The following MFN1 variants were observed in gnomAD, a reference collection of about 807,000 sequenced individuals.
The protein encoded by MFN1 is mitofusin 1, also known as mitofusin-1.
A neutral mutation model predicts 92.4 loss-of-function variants in MFN1; 65 were observed. The observed-to-expected ratio is 0.70, with a 90% CI of 0.58 to 0.86. The LOEUF (loss-of-function observed/expected upper bound fraction) is 0.86. Ranked by LOEUF, MFN1 falls within the 40% of genes least tolerant of loss-of-function variation. MFN1 has a pLI of 0.00. For synonymous variants in MFN1, 297 were observed against 300.9 expected (o/e 0.99, Z 0.13); for missense variants, 781 against 868.0 (o/e 0.90, Z 1.26).
chr3:179,391,896 G>A, intron 17 of MFN1, 85 bp from the exon 18 acceptor site: 1 of 817,376 alleles, frequency 1.2e-6, no homozygotes, highest in East Asian at 2.6e-5. Flanking sequence ...TATTATTAAA[G>A]TTTTTGTCTT....
intron 12 of MFN1, among the ~76,000 whole-genome samples, chr3:179,377,975 G>A (rs191849653): frequency 1.3e-5 from 2 of 151,638 alleles, no homozygotes; most frequent in South Asian, 4.1e-4. Context: ...CGGGAGAATC[G>A]CTTGAAACCG....
At chr3:179,380,735 G>A (rs186473155) in intron 14 of MFN1, among the ~76,000 whole-genome samples, 2 of 152,316 alleles carry the variant, frequency 1.3e-5, no homozygotes, top group Admixed American at 1.3e-4. Flanking sequence ...ACTGAGGCCT[G>A]GGTGTGGAAG....
At chr3:179,374,977 A>G (rs1055006223) in intron 9 of MFN1, among the ~76,000 whole-genome samples, 2 of 152,176 alleles carry the variant, frequency 1.3e-5, no homozygotes, top group Non-Finnish European at 2.9e-5. Flanking sequence ...TTAGAGTCAA[A>G]CCATTGCACA....
At chr3:179,376,465 TA>T (rs780210250) in intron 10 of MFN1, among the ~76,000 whole-genome samples, 13 of 152,198 alleles carry the variant, frequency 8.5e-5, no homozygotes, top group Non-Finnish European at 1.5e-4. Context: ...ACTTCTTAAG[TA>T]AAAGATCTTC....
In MFN1 at chr3:179,362,579, T is replaced by G. The variant is rs1712626416; in HGVS notation, c.536+97T>G. 4.3e-5 allele frequency: 49 copies of G among 1,150,594 alleles called. 1 individual carries two copies. Among genetic ancestry groups the G allele is most frequent in the Middle Eastern group, 2.3e-4 (1 of 4,292 alleles). 71.3% of individuals were successfully genotyped at this position (1,150,594 alleles called of 1,614,324 possible). ...TGGTATAAAAAATTACAACATTCAGTTGCCATTTTGTTCTCATTAGCTAGA... is the reference window on the plus strand; with the variant it reads ...TGGTATAAAAAATTACAACATTCAGGTGCCATTTTGTTCTCATTAGCTAGA... On this transcript the variant is annotated intron_variant, in intron 5 of 17. Transcript: ENST00000471841.
intron 9 of MFN1, among the ~76,000 whole-genome samples, chr3:179,374,832 A>T (rs1259284615): frequency 6.6e-6 from 1 of 152,230 alleles, no homozygotes; most frequent in African/African-American, 2.4e-5. Flanking sequence ...TTACTAGGTT[A>T]TATCTTTTGC....
Position 179,385,735 on chromosome 3 carries a change from C to A in MFN1, c.1815+14C>A, listed in dbSNP as rs2108557524. 1 of 1,610,418 alleles carries A rather than the reference C, an allele frequency of 6.2e-7. No homozygotes were observed. On this transcript the variant is annotated intron_variant, in intron 15 of 17. Transcript: ENST00000471841. ...GTTGGAGGAGTGGTAAGAAACATTACTTTTAGTATAATTAAAATCGAAATG... is the reference window on the plus strand; with the variant it reads ...GTTGGAGGAGTGGTAAGAAACATTAATTTTAGTATAATTAAAATCGAAATG...
chr3:179,371,904 G>A (rs543869156), intron 9 of MFN1, among the ~76,000 whole-genome samples: 1 of 151,668 alleles, frequency 6.6e-6, no homozygotes, highest in African/African-American at 2.4e-5. Flanking sequence ...TAGGTAACAA[G>A]CTTGTGATGT....
chr3:179,354,721 A>C (rs1460755423), intron 3 of MFN1, among the ~76,000 whole-genome samples: 1 of 152,182 alleles, frequency 6.6e-6, no homozygotes, highest in East Asian at 1.9e-4. Context: ...TGCCAAACAA[A>C]GGGTGGATTA....
At position 179,394,706 on chromosome 3, in the gene MFN1, C is replaced by T. The variant is rs556918291; in HGVS notation, c.*2647C>T. On this transcript the variant is annotated 3_prime_UTR_variant, in exon 18 of 18. Transcript: ENST00000471841. Reference sequence around the variant, plus strand: ...CTGGGATTACAGGCGTGAGCCACCGCGCCCGGCCGAAAGCCAACTCTTATG... The same window carrying T: ...CTGGGATTACAGGCGTGAGCCACCGTGCCCGGCCGAAAGCCAACTCTTATG... 23 of 152,218 alleles carry T rather than the reference C, an allele frequency of 1.5e-4. No individual in the cohort carries two copies. The highest frequency in any genetic ancestry group is 2.4e-4 in the Non-Finnish European group (16 of 68,078). 9.4% of individuals were successfully genotyped at this position (152,218 alleles called of 1,614,324 possible).
chr3:179,389,672 A>G (rs926041326), intron 16 of MFN1, among the ~76,000 whole-genome samples: 1 of 152,150 alleles, frequency 6.6e-6, no homozygotes, highest in African/African-American at 2.4e-5. Flanking sequence ...AAGTGCATGG[A>G]ATTTTTTTTC....
At chr3:179,358,028 CGG>C (rs1712410446) in intron 3 of MFN1, among the ~76,000 whole-genome samples, 1 of 151,890 alleles carries the variant, frequency 6.6e-6, no homozygotes. Context: ...ACAGCAGACT[CGG>C]GGTAAGTGGA....
chr3:179,374,348 C>G (rs1713143586), intron 9 of MFN1, among the ~76,000 whole-genome samples: 3 of 138,078 alleles, frequency 2.2e-5, no homozygotes, highest in Admixed American at 1.5e-4. Flanking sequence ...ATATATATAA[C>G]ATATATAACA....
chr3:179,384,724 A>G (rs890548530), intron 14 of MFN1, among the ~76,000 whole-genome samples: 1 of 152,036 alleles, frequency 6.6e-6, no homozygotes, highest in Non-Finnish European at 1.5e-5. Context: ...TTGTAGACAC[A>G]AGGTCTCACT....
chr3:179,355,821 G>A (rs1712326484), intron 3 of MFN1, among the ~76,000 whole-genome samples: 1 of 152,018 alleles, frequency 6.6e-6, no homozygotes, highest in African/African-American at 2.4e-5. Context: ...GTGTGGTGGT[G>A]CACTCCTGTA....
chr3:179,391,580 C>T (rs1464083517), intron 17 of MFN1, among the ~76,000 whole-genome samples: 2 of 152,148 alleles, frequency 1.3e-5, no homozygotes, highest in Non-Finnish European at 2.9e-5. Context: ...AGAGCCCACT[C>T]AATGAATATG....
chr3:179,348,797 T>G, intron 1 of MFN1, 48 bp from the exon 2 acceptor site: 1 of 1,586,894 alleles, frequency 6.3e-7, no homozygotes, highest in Non-Finnish European at 8.6e-7. Flanking sequence ...AGTTTGCATG[T>G]CTATCATCCA....
In MFN1 at chr3:179,371,055, AAAG is replaced by A. The variant is rs767574981; in HGVS notation, c.975+2955_975+2957del. On this transcript the variant is annotated intron_variant, in intron 9 of 17. Coordinates refer to ENST00000471841, the MANE Select transcript of MFN1 (RefSeq NM_033540.3). ...TGTAGTCGTGCAAGATTTTTTGTGA[AAAG>A]AAAAACTGTATCAAGTTCATCACCT... 3.3e-5 allele frequency among the ~76,000 whole-genome samples: 5 copies of A among 152,178 alleles called. No individual in the cohort carries two copies. The South Asian group carries it at 6.2e-4, about 19-fold the overall frequency.
In MFN1 at chr3:179,353,752, C is replaced by T. The variant is rs545336682; in HGVS notation, c.248+1717C>T. The stretch of plus-strand genomic sequence containing the variant: ...GTTATTCAGCTATCTGTGCTGTGTA[C>T]CAACAGAGGCATTTATTTACTAAAT... On this transcript the variant is annotated intron_variant, in intron 3 of 17. Transcript: ENST00000471841. 4.6e-4 allele frequency among the ~76,000 whole-genome samples: 70 copies of T among 152,290 alleles called. 1 individual carries two copies. Among genetic ancestry groups the T allele is most frequent in the Admixed American group, 8.5e-4 (13 of 15,298 alleles).
Sources: gnomAD v4.1 joint callset for allele counts (sites outside exome capture counted in the v4.1 genomes callset) on GRCh38, gnomAD v4.1.1 for gene constraint, MANE v1.5 for transcripts, NCBI Gene and HGNC (gene_info 2026-07-23, HGNC 2026-07-21) for gene names.